ZC3H14: variants seen among roughly 807,000 people sequenced by gnomAD.
ZC3H14 encodes the protein zinc finger CCCH-type containing 14, also known as zinc finger CCCH domain-containing protein 14.
In ZC3H14, 31 loss-of-function variants were observed where a neutral mutation model predicts 92.4. That is an observed-to-expected ratio of 0.34 (90% CI 0.25 to 0.45). The LOEUF (loss-of-function observed/expected upper bound fraction) is 0.45. ZC3H14 is among the 20% of genes least tolerant of loss of function. The pLI is 1.00. For missense variants in ZC3H14, 781 were observed against 897.3 expected (o/e 0.87, Z 1.66); for synonymous variants, 321 against 300.9 (o/e 1.07, Z -0.69).
In ZC3H14 at chr14:88,611,849, A is replaced by G; in HGVS notation, c.*98A>G. The G allele has an allele frequency of 6.6e-7, 1 of 1,522,684 alleles. No individual in the cohort carries two copies. Among genetic ancestry groups the G allele is most frequent in the Non-Finnish European group, 9.1e-7 (1 of 1,103,782 alleles). 94.3% of individuals were successfully genotyped at this position (1,522,684 alleles called of 1,614,324 possible). On this transcript the variant is annotated 3_prime_UTR_variant, in exon 17 of 17. Coordinates refer to ENST00000251038, the MANE Select transcript of ZC3H14 (RefSeq NM_024824.5). The stretch of plus-strand genomic sequence containing the variant: ...ACTTGTCAAATCTTTGAAACTTGGA[A>G]TATATTGCTTTCATAATATGAAGTT...
At chr14:88,563,609 G>C (rs1039364838) in intron 1 of ZC3H14, 42 bp from the exon 2 acceptor site, 1 of 1,611,080 alleles carries the variant, frequency 6.2e-7, no homozygotes, top group Non-Finnish European at 8.5e-7. Context: ...TGTTTTCCTA[G>C]AGCCGCCTTT....
chr14:88,609,940 CG>C, intron 15 of ZC3H14, 137 bp downstream of exon 15: 1 of 931,984 alleles, frequency 1.1e-6, no homozygotes, highest in Non-Finnish European at 1.7e-6. Context: ...AGTTGTTCCT[CG>C]TCACTGAACC....
At chr14:88,591,756 C>T (rs4904458) in intron 9 of ZC3H14, 143,158 of 152,256 alleles carry the variant, frequency 0.94, 67,748 homozygotes, top group Non-Finnish European at 1. Context: ...AGTGGAATTA[C>T]ATGTTTACTT....
chr14:88,582,332 CA>C (rs1228914482), intron 9 of ZC3H14, among the ~76,000 whole-genome samples: 13 of 152,072 alleles, frequency 8.5e-5, no homozygotes, highest in Non-Finnish European at 1.5e-4. Flanking sequence ...TTGCAGAGGC[CA>C]GAGGAGTATG....
At chr14:88,609,196 G>A (rs1889897355) in intron 13 of ZC3H14, 71 bp from the exon 14 acceptor site, 11 of 1,593,710 alleles carry the variant, frequency 6.9e-6, no homozygotes, top group South Asian at 1.1e-5. Context: ...AGTGTAAAGA[G>A]CCCTTATACA....
Position 88,572,658 on chromosome 14 carries a change from T to G in ZC3H14, c.512T>G (p.Val171Gly). ...PLREPAPSED[V>G]IDIKPEPDDL... ...AGGGAGCCAGCACCCTCTGAAGATG[T>G]GATTGATATTAAGCCAGAACCAGAT... Residue 171 changes from valine to glycine, a missense_variant, in exon 6 of 17, where the codon GTG becomes GGG. Val to Gly is a moderately radical substitution (Grantham distance 109). This residue lies in a region of ZC3H14 where 454 missense variants were observed against 438.5 expected (regional missense o/e 1.04). Transcript: ENST00000251038. 6.2e-7 allele frequency: 1 copy of G among 1,614,198 alleles called. No homozygotes were observed. The highest frequency in any genetic ancestry group is 1.1e-5 in the South Asian group (1 of 91,078).
intron 4 of ZC3H14, 57 bp downstream of exon 4, chr14:88,571,181 C>G (rs2080344015): frequency 1.4e-6 from 2 of 1,447,666 alleles, no homozygotes; most frequent in Admixed American, 3.9e-5. Flanking sequence ...TGATTTGTTT[C>G]TTTCTAAAGT....
At position 88,574,821 on chromosome 14, in the gene ZC3H14, C is replaced by T. The variant is rs1399427821; in HGVS notation, c.990C>T (p.Ser330=). 5 of 1,614,070 alleles carry T rather than the reference C, an allele frequency of 3.1e-6. No individual in the cohort carries two copies. The highest frequency in any genetic ancestry group is 4.2e-6 in the Non-Finnish European group (5 of 1,180,038). ...DYGSRTGSIS[S]SVSVPAKPER... ...GGTCTCGAACAGGAAGCATCTCCAG[C>T]AGTGTGTCTGTGCCTGCAAAGCCTG... Residue 330 remains serine (S), a synonymous_variant, in exon 7 of 17, where the codon AGC becomes AGT. Transcript: ENST00000251038.
At chr14:88,591,978 T>A (rs1313461694) in intron 9 of ZC3H14, 1 of 152,244 alleles carries the variant, frequency 6.6e-6, no homozygotes. Context: ...ACGGTAGCAT[T>A]TACTTCAGAG....
intron 12 of ZC3H14, among the ~76,000 whole-genome samples, chr14:88,605,329 G>A (rs1050914175): frequency 6.6e-6 from 1 of 152,098 alleles, no homozygotes; most frequent in African/African-American, 2.4e-5. Context: ...GAACTAAAAT[G>A]ACTTATACTG....
chr14:88,625,173 AAT>A lies in ZC3H14; in HGVS notation c.*13424_*13425del. 1.9e-6 allele frequency: 3 copies of A among 1,599,214 alleles called. No individual in the cohort carries two copies. Among genetic ancestry groups the A allele is most frequent in the Non-Finnish European group, 2.6e-6 (3 of 1,172,058 alleles). On this transcript the variant is annotated 3_prime_UTR_variant, in exon 17 of 17. Coordinates refer to ENST00000251038, the MANE Select transcript of ZC3H14 (RefSeq NM_024824.5). The stretch of plus-strand genomic sequence containing the variant: ...GGGAGACAAACTCATCAAAAGTTCA[AAT>A]AGAGTTTAAATAGATAATTTTCTAT...
chr14:88,574,484 C>T (rs986864872), intron 6 of ZC3H14: 3 of 524,704 alleles, frequency 5.7e-6, no homozygotes, highest in Non-Finnish European at 1.0e-5. Context: ...ACCTTGTGAT[C>T]CGCCCACTTC....
At chr14:88,563,555 GC>G in intron 1 of ZC3H14, 95 bp from the exon 2 acceptor site, 1 of 1,585,042 alleles carries the variant, frequency 6.3e-7, no homozygotes, top group Non-Finnish European at 8.7e-7. Flanking sequence ...GATCCGAGGT[GC>G]GCGCACCAGC....
chr14:88,602,702 T>C, intron 11 of ZC3H14, 126 bp from the exon 12 acceptor site: 1 of 974,684 alleles, frequency 1.0e-6, no homozygotes, highest in Non-Finnish European at 1.6e-6. Context: ...TAGCCCTACC[T>C]AGTCTTTTTT....
intron 9 of ZC3H14, chr14:88,589,620 TTC>T (rs1402188971): frequency 4.6e-5 from 7 of 152,370 alleles, no homozygotes; most frequent in African/African-American, 1.7e-4. Context: ...CTGTCTGTTC[TTC>T]CTGTAGTCTT....
rs1232458722 is a variant in ZC3H14, at chr14:88,618,551, GCTGGAGCT to G, written c.*6810_*6817del. ...AAGGTACAAAGGGAGGAGTTGAGAAGCTGGAGCTCTGGAGCTCAGGAACTTTAAATGCA... is the reference window on the plus strand; with the variant it reads ...AAGGTACAAAGGGAGGAGTTGAGAAGCTGGAGCTCAGGAACTTTAAATGCA... On this transcript the variant is annotated 3_prime_UTR_variant, in exon 17 of 17. Transcript: ENST00000251038. The G allele has an allele frequency of 5.8e-6, 8 of 1,375,684 alleles. No individual in the cohort carries two copies. The South Asian group carries it at 1.2e-4, about 21-fold the overall frequency. 85.2% of individuals were successfully genotyped at this position (1,375,684 alleles called of 1,614,324 possible).
intron 6 of ZC3H14, 73 bp from the exon 7 acceptor site, chr14:88,574,620 A>T: frequency 6.3e-7 from 1 of 1,579,898 alleles, no homozygotes; most frequent in Non-Finnish European, 8.7e-7. Context: ...TTTTTCTTAA[A>T]ATGGAAACAT....
In ZC3H14 at chr14:88,623,680, G is replaced by C. The variant is rs960415887; in HGVS notation, c.*11929G>C. On this transcript the variant is annotated 3_prime_UTR_variant, in exon 17 of 17. Coordinates refer to ENST00000251038, the MANE Select transcript of ZC3H14 (RefSeq NM_024824.5). ...GCCCACCTCGGCCTCCCAAAGTGTT[G>C]GGATTACAGGCGTGAGCCACTGCAA... 2.0e-5 allele frequency: 3 copies of C among 152,236 alleles called. No homozygotes were observed. The highest frequency in any genetic ancestry group is 2.0e-4 in the Admixed American group (3 of 15,286). The allele number at this position is 152,236 out of a possible 1,614,324, so 9.4% of individuals were successfully genotyped here.
At position 88,626,259 on chromosome 14, in the gene ZC3H14, G is replaced by C. The variant is rs1312064337; in HGVS notation, c.*14508G>C. 6.6e-6 allele frequency: 1 copy of C among 152,192 alleles called. No individual in the cohort carries two copies. Among genetic ancestry groups the C allele is most frequent in the East Asian group, 1.9e-4 (1 of 5,184 alleles). The allele number at this position is 152,192 out of a possible 1,614,324, so 9.4% of individuals were successfully genotyped here. Reference sequence around the variant, plus strand: ...AACTACTAGGAAGACAGAAATTTTAGGATATTTAGGGTGACAATTAGAAGA... The same window carrying C: ...AACTACTAGGAAGACAGAAATTTTACGATATTTAGGGTGACAATTAGAAGA... On this transcript the variant is annotated 3_prime_UTR_variant, in exon 17 of 17. Coordinates refer to ENST00000251038, the MANE Select transcript of ZC3H14 (RefSeq NM_024824.5).
Sources: gnomAD v4.1 joint callset for allele counts (sites outside exome capture counted in the v4.1 genomes callset) on GRCh38, gnomAD v4.1.1 for gene constraint, gnomAD v4.1.1 regional missense constraint, MANE v1.5 for transcripts, NCBI Gene and HGNC (gene_info 2026-07-23, HGNC 2026-07-21) for gene names.